The following PCNT variants were observed in gnomAD, a reference collection of about 807,000 sequenced individuals.
The protein encoded by PCNT is pericentrin.
PCNT carries 319 observed loss-of-function variants against 380.4 expected under a neutral mutation model. The ratio of observed to expected loss-of-function variants is 0.84; its 90% CI spans 0.77 to 0.92. The LOEUF is 0.92. Among genes scored for constraint, PCNT ranks in the 40% least tolerant of loss-of-function variants. The pLI, the probability that PCNT is intolerant of heterozygous loss-of-function variation, is 0.00. For missense variants in PCNT, 4,400 were observed against 4,255.3 expected, an observed-to-expected ratio of 1.03 and a Z score of -0.95; for synonymous variants, 1,845 against 1,735.2, an observed-to-expected ratio of 1.06 and a Z score of -1.57.
At chr21:46,357,714 C>T (rs1349107090) in intron 13 of PCNT, among the ~76,000 whole-genome samples, 1 of 152,210 alleles carries the variant, frequency 6.6e-6, no homozygotes, top group African/African-American at 2.4e-5. Context: ...CAGGTGTGAG[C>T]CACCACGCCC....
chr21:46,376,321 G>T (rs896124948), intron 15 of PCNT, among the ~76,000 whole-genome samples: 5 of 152,250 alleles, frequency 3.3e-5, no homozygotes, highest in African/African-American at 1.2e-4. Flanking sequence ...TCCAAAGAGA[G>T]TAAGTAGTCT....
At chr21:46,441,422 G>A (rs1033381002) in intron 43 of PCNT, among the ~76,000 whole-genome samples, 1 of 152,188 alleles carries the variant, frequency 6.6e-6, no homozygotes, top group Non-Finnish European at 1.5e-5. Flanking sequence ...CCTGCTCCCT[G>A]ATGCCACAGA....
At chr21:46,344,524 A>G (rs1025696426) in intron 3 of PCNT, among the ~76,000 whole-genome samples, 2 of 152,162 alleles carry the variant, frequency 1.3e-5, no homozygotes, top group Admixed American at 6.5e-5. Flanking sequence ...TTGCAACTGT[A>G]TCAAGCCTGT....
intron 29 of PCNT, 81 bp downstream of exon 29, chr21:46,413,073 ACGAGGCCCACCCGGGAGAGGC>A: frequency 1.9e-6 from 1 of 537,534 alleles, no homozygotes; most frequent in South Asian, 1.9e-5. Flanking sequence ...CGGGGAAGGC[ACGAGGCCCACCCGGGAGAGGC>A]TGGACACGCG....
intron 31 of PCNT, among the ~76,000 whole-genome samples, chr21:46,419,686 C>T (rs1290060997): frequency 6.6e-6 from 1 of 152,242 alleles, no homozygotes. Flanking sequence ...CCAAGCACAG[C>T]AGGTGCTTCC....
At position 46,357,093 on chromosome 21, in the gene PCNT, A is replaced by G. The variant is rs147292854; in HGVS notation, c.2056A>G (p.Thr686Ala). 288 of 1,613,624 alleles carry G rather than the reference A, an allele frequency of 1.8e-4. No individual in the cohort carries two copies. The highest frequency in any genetic ancestry group is 2.3e-4 in the Non-Finnish European group (275 of 1,179,592). ...EHKVQLSLLQ[T>A]ELKEEIELLK... ...CAAGGTGCAACTTTCGCTTCTTCAG[A>G]CTGAGCTCAAAGAAGAAATTGAACT... Residue 686 changes from threonine to alanine, a missense_variant, in exon 13 of 47, where the codon ACT becomes GCT. Transcript: ENST00000359568.
In PCNT at chr21:46,428,530, A is replaced by G; in HGVS notation, c.7630A>G (p.Thr2544Ala). ...CCAGGAGAAGCTGCAGCACTTGCGC[A>G]CGGCGCTGACAAGCGCAGAGGCGCG... Reference protein sequence around the residue: ...QNQEKLQHLRTALTSAEARGS... With the variant: ...QNQEKLQHLRAALTSAEARGS... The change falls in exon 35 of 47, where the codon ACG becomes GCG. Residue 2544 changes from threonine to alanine, a missense_variant. Coordinates refer to ENST00000359568, the MANE Select transcript of PCNT (RefSeq NM_006031.6). 6.2e-7 allele frequency: 1 copy of G among 1,610,856 alleles called. No individual in the cohort carries two copies. Among genetic ancestry groups the G allele is most frequent in the Non-Finnish European group, 8.5e-7 (1 of 1,179,686 alleles).
chr21:46,435,899 A>T lies in PCNT; in HGVS notation c.8752-5A>T, dbSNP rs149444205. 4.3e-6 allele frequency: 7 copies of T among 1,614,110 alleles called. No individual in the cohort carries two copies. Among genetic ancestry groups the T allele is most frequent in the Admixed American group, 1.7e-5 (1 of 60,026 alleles). On this transcript the variant is annotated splice_polypyrimidine_tract_variant and splice_region_variant and intron_variant, in intron 38 of 46. Coordinates refer to ENST00000359568, the MANE Select transcript of PCNT (RefSeq NM_006031.6). ...TCTTCTCTGTCTTTTTTCTGTTAAC[A>T]ACAGCGAGAATTAGAACTGCAGCGT...
chr21:46,364,682 G>C (rs1480555977), intron 14 of PCNT, among the ~76,000 whole-genome samples: 1 of 152,210 alleles, frequency 6.6e-6, no homozygotes, highest in Non-Finnish European at 1.5e-5. Flanking sequence ...TGTTGGTGCT[G>C]ACCCTTTTTG....
At chr21:46,420,917 G>A (rs2087223191) in intron 31 of PCNT, 1 of 152,242 alleles carries the variant, frequency 6.6e-6, no homozygotes, top group Non-Finnish European at 1.5e-5. Flanking sequence ...GCAGAAGTAG[G>A]ACTTGGCACC....
At chr21:46,380,170 TTTTTTTTTTTTTTG>T (rs1300148314) in intron 15 of PCNT, among the ~76,000 whole-genome samples, 3 of 122,920 alleles carry the variant, frequency 2.4e-5, no homozygotes, top group African/African-American at 1.0e-4. Context: ...TTTTTTTTTT[TTTTTTTTTTTTTTG>T]AGACAGAGTC....
intron 15 of PCNT, among the ~76,000 whole-genome samples, chr21:46,370,051 T>C (rs1281969108): frequency 4.6e-5 from 7 of 152,198 alleles, no homozygotes; most frequent in Non-Finnish European, 7.4e-5. Flanking sequence ...CCCACAGGGG[T>C]GCCTCCCCGG....
chr21:46,352,993 G>A (rs2084330702), intron 9 of PCNT, 111 bp from the exon 10 acceptor site: 1 of 830,982 alleles, frequency 1.2e-6, no homozygotes, highest in Non-Finnish European at 2.0e-6. Context: ...TTCTGGGATG[G>A]GCCCTTTTCC....
intron 15 of PCNT, 151 bp downstream of exon 15, chr21:46,367,290 T>C (rs930278070): frequency 2.8e-5 from 18 of 635,596 alleles, no homozygotes; most frequent in African/African-American, 1.9e-4. Flanking sequence ...TGGGGACTTC[T>C]GGTCTCTTTG....
intron 31 of PCNT, among the ~76,000 whole-genome samples, chr21:46,419,061 C>A: frequency 6.6e-6 from 1 of 152,134 alleles, no homozygotes; most frequent in Non-Finnish European, 1.5e-5. Context: ...GCCACACCGT[C>A]CTTTTTTTCA....
chr21:46,431,427 G>C (rs2147979575), intron 37 of PCNT, 102 bp from the exon 38 acceptor site: 1 of 1,594,084 alleles, frequency 6.3e-7, no homozygotes, highest in East Asian at 2.2e-5. Context: ...TCAAAAGGTA[G>C]AATTGCTGGG....
At chr21:46,324,482 GC>G (rs1456914840) in intron 1 of PCNT, among the ~76,000 whole-genome samples, 200 bp downstream of exon 1, 1 of 150,740 alleles carries the variant, frequency 6.6e-6, no homozygotes, top group Non-Finnish European at 1.5e-5. Context: ...GCCAGGTCCC[GC>G]CCCCGCCGCG....
At chr21:46,373,749 T>TTTGGG (rs374962143) in intron 15 of PCNT, among the ~76,000 whole-genome samples, 3 of 81,192 alleles carry the variant, frequency 3.7e-5, no homozygotes, top group African/African-American at 6.8e-5. Context: ...TTTTTTTTTT[T>TTTGGG]GGGCGGAGTC....
Position 46,401,533 on chromosome 21 carries a change from T to G in PCNT, c.4792-18T>G. The G allele has an allele frequency of 6.2e-7, 1 of 1,606,846 alleles. No individual in the cohort carries two copies. The highest frequency in any genetic ancestry group is 8.5e-7 in the Non-Finnish European group (1 of 1,173,938). On this transcript the variant is annotated intron_variant, in intron 25 of 46. Transcript: ENST00000359568. ...TCCCAAATATTTGCCTAAAATAGAG[T>G]TCTTTTTTTTTTAATAGGATAAAGA...
Sources: allele counts gnomAD v4.1 joint callset (sites outside exome capture counted in the v4.1 genomes callset), GRCh38; gene constraint gnomAD v4.1.1; transcripts MANE v1.5; gene names NCBI Gene and HGNC (gene_info 2026-07-23, HGNC 2026-07-21).